The following SETX variants were observed in gnomAD, a reference collection of about 807,000 sequenced individuals.
The protein encoded by SETX is helicase senataxin.
SETX carries 90 observed loss-of-function variants against 227.2 expected under a neutral mutation model. That is an observed-to-expected ratio of 0.40 (90% confidence interval 0.33 to 0.47). SETX has a LOEUF of 0.47. SETX is among the 20% of genes least tolerant of loss of function. The pLI is 0.91. For missense variants in SETX, 3,052 were observed against 3,181.5 expected (o/e 0.96, Z 0.98); for synonymous variants, 1,210 against 1,113.2 (o/e 1.09, Z -1.73).
Position 132,277,047 on chromosome 9 carries a change from GA to G in SETX, c.6935+12del. On this transcript the variant is annotated intron_variant, in intron 22 of 25. Coordinates refer to ENST00000224140, the MANE Select transcript of SETX (RefSeq NM_015046.7). The stretch of plus-strand genomic sequence containing the variant: ...TGGGACTATCAGAGGACTGAGGCAA[GA>G]GGAAAACATACTCATTATCCCGTCT... 1 of 1,606,922 alleles carries G rather than the reference GA, an allele frequency of 6.2e-7. No homozygotes were observed. Among genetic ancestry groups the G allele is most frequent in the Middle Eastern group, 1.7e-4 (1 of 6,046 alleles).
chr9:132,347,272 CG>C (rs1047339987), intron 3 of SETX, among the ~76,000 whole-genome samples: 13 of 150,754 alleles, frequency 8.6e-5, no homozygotes, highest in African/African-American at 3.2e-4. Context: ...ACCAAACAAA[CG>C]AAAAAAAACA....
In SETX at chr9:132,329,393, T is replaced by A. The variant is rs140415349; in HGVS notation, c.2205A>T (p.Gly735=). 10 of 1,613,926 alleles carry A rather than the reference T, an allele frequency of 6.2e-6. No homozygotes were observed. Among genetic ancestry groups the A allele is most frequent in the Non-Finnish European group, 8.5e-6 (10 of 1,179,970 alleles). Residue 735 remains glycine (G), a synonymous_variant, in exon 10 of 26, where the codon GGA becomes GGT. Coordinates refer to ENST00000224140, the MANE Select transcript of SETX (RefSeq NM_015046.7). ...TTGATACTATTATTCCTCTGTCACA[T>A]CCCCTTTCTGGACCATTTCTTGAAG... The part of the protein sequence containing the change: ...DCTSRNGPER[G]CDRGIIVSTR...
At chr9:132,324,602 C>G (rs764963954) in intron 10 of SETX, among the ~76,000 whole-genome samples, 95 of 152,258 alleles carry the variant, frequency 6.2e-4, no homozygotes, top group South Asian at 1.9e-3. Context: ...AGAAAGTGCC[C>G]TGTCCCCTTT....
chr9:132,294,784 G>A (rs1844571421), intron 15 of SETX, among the ~76,000 whole-genome samples: 1 of 152,192 alleles, frequency 6.6e-6, no homozygotes, highest in African/African-American at 2.4e-5. Context: ...CGAGAATGGA[G>A]GCCACACATG....
intron 10 of SETX, among the ~76,000 whole-genome samples, chr9:132,314,343 C>T (rs536277387): frequency 1.7e-4 from 26 of 152,320 alleles, no homozygotes; most frequent in Admixed American, 3.3e-4. Flanking sequence ...CCTGCCTCAG[C>T]CTCCCAAAGT....
Position 132,264,672 on chromosome 9 carries a change from T to C in SETX, c.7601A>G (p.Asp2534Gly). The C allele has an allele frequency of 1.2e-6, 2 of 1,614,184 alleles. No individual in the cohort carries two copies. Among genetic ancestry groups the C allele is most frequent in the Non-Finnish European group, 1.7e-6 (2 of 1,180,028 alleles). The change falls in exon 26 of 26, where the codon GAC (aspartate) becomes GGC (glycine). Residue 2534 changes from aspartate (D) to glycine (G), a missense_variant. Asp to Gly is a moderately conservative substitution (Grantham distance 94, BLOSUM62 -1). Around this residue, in one of 10 missense-constraint regions of SETX, gnomAD observed 294 missense variants for 278.8 expected, o/e 1.05. Coordinates refer to ENST00000224140, the MANE Select transcript of SETX (RefSeq NM_015046.7). Reference sequence around the variant, plus strand: ...CAGCAGTCGTGGGTCCTGAAGTTGGTCATGAACAGGAGGTCTTTCAGGGTC... The same window carrying C: ...CAGCAGTCGTGGGTCCTGAAGTTGGCCATGAACAGGAGGTCTTTCAGGGTC... Reference protein sequence around the residue: ...SKDPERPPVHDQLQDPRLLKR... With the variant: ...SKDPERPPVHGQLQDPRLLKR...
At position 132,268,201 on chromosome 9, in the gene SETX, T is replaced by C. The variant is rs560214141; in HGVS notation, c.7287+1414A>G. Among the ~76,000 whole-genome samples, 34 of 152,332 alleles carry C rather than the reference T, an allele frequency of 2.2e-4. No homozygotes were observed. In the South Asian group the frequency reaches 5.6e-3, roughly 25 times the overall value. On this transcript the variant is annotated intron_variant, in intron 25 of 25. Transcript: ENST00000224140. ...AGATAACTATAGATTTACAGGAAGT[T>C]GCAAGGAAAGTACTGAGAGGTTGCA...
chr9:132,268,901 A>G (rs1192070047), intron 25 of SETX, among the ~76,000 whole-genome samples: 4 of 152,218 alleles, frequency 2.6e-5, no homozygotes, highest in Non-Finnish European at 4.4e-5. Context: ...AACAAGAAAG[A>G]AGGTGTATCT....
chr9:132,321,767 G>A lies in SETX; in HGVS notation c.5274+4557C>T, dbSNP rs574205596. Among the ~76,000 whole-genome samples, 6 of 151,794 alleles carry A rather than the reference G, an allele frequency of 4.0e-5. No individual in the cohort carries two copies. The East Asian group carries it at 9.7e-4, about 24-fold the overall frequency. On this transcript the variant is annotated intron_variant, in intron 10 of 25. Transcript: ENST00000224140. The stretch of plus-strand genomic sequence containing the variant: ...GGAGGCTGAGACAGGAGAAATGCTT[G>A]AACCCAAGAGGCAGAGGTTGCGGTG...
intron 11 of SETX, among the ~76,000 whole-genome samples, chr9:132,309,969 TAAG>T (rs1845560349): frequency 6.6e-6 from 1 of 152,010 alleles, no homozygotes; most frequent in African/African-American, 2.4e-5. Flanking sequence ...CAATTCTCAA[TAAG>T]AATGAAAAAG....
chr9:132,356,149 C>T (rs1442941797), upstream of SETX, among the ~76,000 whole-genome samples: 1 of 152,038 alleles, frequency 6.6e-6, no homozygotes, highest in African/African-American at 2.4e-5. Context: ...GACCCTGTCT[C>T]AGAAAAGTCT....
intron 25 of SETX, among the ~76,000 whole-genome samples, chr9:132,266,676 G>A (rs549917164): frequency 1.3e-5 from 2 of 152,280 alleles, no homozygotes; most frequent in South Asian, 2.1e-4. Context: ...AGATGCTAAG[G>A]CATGAGAATC....
At chr9:132,282,296 C>CTT (rs1454215965) in intron 19 of SETX, among the ~76,000 whole-genome samples, 20 of 145,534 alleles carry the variant, frequency 1.4e-4, no homozygotes, top group African/African-American at 4.8e-4. Flanking sequence ...TATTTTTTAA[C>CTT]TTATTTTTTT....
At chr9:132,349,715 C>T (rs1848505974) in intron 2 of SETX, among the ~76,000 whole-genome samples, 1 of 152,192 alleles carries the variant, frequency 6.6e-6, no homozygotes, top group Admixed American at 6.5e-5. Flanking sequence ...CAAAACAACA[C>T]AGTACCGATA....
chr9:132,355,989 GA>G (rs1213549776), upstream of SETX, among the ~76,000 whole-genome samples: 46 of 85,168 alleles, frequency 5.4e-4, no homozygotes, highest in Middle Eastern at 8.5e-3. Flanking sequence ...TCTCTCTCCG[GA>G]AAAAAAAAAA....
chr9:132,321,719 G>C (rs1003975260), intron 10 of SETX, among the ~76,000 whole-genome samples: 16 of 150,410 alleles, frequency 1.1e-4, no homozygotes, highest in Non-Finnish European at 2.2e-4. Flanking sequence ...GTGGTGGTGT[G>C]CACCTGTAGT....
In SETX at chr9:132,329,837, G is replaced by C. The variant is rs1375388267; in HGVS notation, c.1761C>G (p.Cys587Trp). ...TSQETHELQSCLKQIIRNIKF... is the reference protein window; with the variant it reads ...TSQETHELQSWLKQIIRNIKF... ...TTATGTTTCTAATAATTTGCTTTAA[G>C]CAACTTTGTAGCTCATGGGTTTCCT... is the stretch of plus-strand genomic sequence containing the variant. Residue 587 changes from cysteine (C) to tryptophan (W), a missense_variant, in exon 10 of 26, where the codon TGC (cysteine) becomes TGG (tryptophan). Physicochemically the swap from Cys to Trp is radical, Grantham distance 215. Transcript: ENST00000224140. 1 of 1,614,068 alleles carries C rather than the reference G, an allele frequency of 6.2e-7. No individual in the cohort carries two copies.
In SETX at chr9:132,331,286, C is replaced by G. The variant is rs918335180; in HGVS notation, c.1001G>C (p.Ser334Thr). 2 of 1,613,934 alleles carry G rather than the reference C, an allele frequency of 1.2e-6. No homozygotes were observed. Among genetic ancestry groups the G allele is most frequent in the African/African-American group, 2.7e-5 (2 of 74,892 alleles). The change falls in exon 8 of 26, where the codon AGC becomes ACC. Residue 334 changes from serine (S) to threonine (T), a missense_variant. Coordinates refer to ENST00000224140, the MANE Select transcript of SETX (RefSeq NM_015046.7). ...YNREIRHIRN[S>T]SVRTKLEPES... ...CATTAGCTGAACTAACCTTACAGAG[C>G]TGTTCCGTATATGTCGGATCTCTCT... is the stretch of plus-strand genomic sequence containing the variant.
chr9:132,345,604 A>T (rs1848243028), intron 4 of SETX, among the ~76,000 whole-genome samples: 1 of 140,560 alleles, frequency 7.1e-6, no homozygotes. Context: ...TTGAACAAAG[A>T]GGTGAACAGA....
Sources: gnomAD v4.1 joint callset for allele counts (sites outside exome capture counted in the v4.1 genomes callset) on GRCh38, gnomAD v4.1.1 for gene constraint, gnomAD v4.1.1 regional missense constraint, MANE v1.5 for transcripts, NCBI Gene and HGNC (gene_info 2026-07-23, HGNC 2026-07-21) for gene names.